Variants in C9 observed in about 807,000 individuals in gnomAD.
C9 encodes the protein complement C9, also known as complement component C9.
C9 carries 63 observed loss-of-function variants against 65.4 expected under a neutral mutation model. The observed-to-expected ratio is 0.96, with a 90% confidence interval of 0.79 to 1.19. The LOEUF is 1.19. Among genes scored for constraint, C9 ranks in the 50% most tolerant of loss-of-function variants. The pLI is 0.00. For synonymous variants in C9, 229 were observed against 227.9 expected (o/e 1.00, Z -0.04); for missense variants, 744 against 670.1 (o/e 1.11, Z -1.22).
intron 5 of C9, among the ~76,000 whole-genome samples, chr5:39,326,588 A>G (rs1453190366): frequency 6.6e-6 from 1 of 152,196 alleles, no homozygotes; most frequent in Non-Finnish European, 1.5e-5. Context: ...TGTATTTATT[A>G]TGGCACATGA....
At chr5:39,335,192 T>C (rs1391176168) in intron 4 of C9, among the ~76,000 whole-genome samples, 1 of 152,194 alleles carries the variant, frequency 6.6e-6, no homozygotes, top group Non-Finnish European at 1.5e-5. Flanking sequence ...TACCTCTTTA[T>C]TTTCAGTGAA....
At chr5:39,341,962 A>G (rs369216156) in intron 2 of C9, 129 bp downstream of exon 2, 16 of 728,838 alleles carry the variant, frequency 2.2e-5, no homozygotes, top group East Asian at 2.1e-4. Flanking sequence ...ATACATTTAA[A>G]TGTTTATCTC....
At chr5:39,310,978 C>T (rs1753471718) in intron 7 of C9, among the ~76,000 whole-genome samples, 159 bp downstream of exon 7, 1 of 152,154 alleles carries the variant, frequency 6.6e-6, no homozygotes, top group African/African-American at 2.4e-5. Context: ...TGCTATTTAA[C>T]AGGGTTTTAG....
chr5:39,302,701 A>G (rs1214905923), intron 9 of C9, among the ~76,000 whole-genome samples: 1 of 152,154 alleles, frequency 6.6e-6, no homozygotes, highest in African/African-American at 2.4e-5. Context: ...AGAACTGAGA[A>G]CAGAAAAAGC....
intron 5 of C9, 125 bp downstream of exon 5, chr5:39,331,547 CTTCT>C: frequency 1.2e-6 from 1 of 829,474 alleles, no homozygotes; most frequent in Non-Finnish European, 2.1e-6. Flanking sequence ...TACATCGCCT[CTTCT>C]TTAAGTCTTG....
chr5:39,308,666 A>T (rs1203663837), intron 7 of C9, among the ~76,000 whole-genome samples: 1 of 152,178 alleles, frequency 6.6e-6, no homozygotes, highest in Non-Finnish European at 1.5e-5. Context: ...AAGGGACAAC[A>T]ATGTCTAACA....
At chr5:39,291,526 A>G (rs1182701139) in intron 9 of C9, among the ~76,000 whole-genome samples, 1 of 151,814 alleles carries the variant, frequency 6.6e-6, no homozygotes, top group Non-Finnish European at 1.5e-5. Flanking sequence ...AAAACTAATG[A>G]CTGAGAATAT....
chr5:39,323,428 A>G (rs1300549155), intron 5 of C9, among the ~76,000 whole-genome samples: 1 of 151,438 alleles, frequency 6.6e-6, no homozygotes, highest in African/African-American at 2.4e-5. Flanking sequence ...AATAAAATAT[A>G]AACAAACTAA....
intron 5 of C9, among the ~76,000 whole-genome samples, chr5:39,316,924 C>G (rs1212076333): frequency 6.6e-6 from 1 of 152,226 alleles, no homozygotes; most frequent in Non-Finnish European, 1.5e-5. Flanking sequence ...AATTGGCACA[C>G]TGTCTTCCAC....
chr5:39,349,100 A>G (rs1355409945), intron 1 of C9, among the ~76,000 whole-genome samples: 1 of 152,100 alleles, frequency 6.6e-6, no homozygotes, highest in East Asian at 1.9e-4. Context: ...GCAACACACC[A>G]ACATGACACA....
chr5:39,341,370 T>C, intron 3 of C9, 77 bp from the exon 4 acceptor site: 1 of 1,555,690 alleles, frequency 6.4e-7, no homozygotes, highest in Non-Finnish European at 8.9e-7. Context: ...TCAAATGCAT[T>C]TTAACCCTGG....
chr5:39,321,076 A>T (rs1400365722), intron 5 of C9, among the ~76,000 whole-genome samples: 1 of 152,092 alleles, frequency 6.6e-6, no homozygotes, highest in South Asian at 2.1e-4. Context: ...TAACATAAAA[A>T]ATTTATGAAA....
At chr5:39,331,882 C>T (rs2111930009) in intron 4 of C9, 68 bp from the exon 5 acceptor site, 2 of 1,395,814 alleles carry the variant, frequency 1.4e-6, no homozygotes, top group Middle Eastern at 1.8e-4. Flanking sequence ...CCCTCTGTAG[C>T]TGGAAAAAGT....
intron 4 of C9, 109 bp downstream of exon 4, chr5:39,341,037 G>A (rs1403390498): frequency 4.2e-6 from 5 of 1,185,920 alleles, no homozygotes; most frequent in Non-Finnish European, 6.3e-6. Flanking sequence ...CCCATCAGCT[G>A]TATCACCTAT....
At chr5:39,311,439 T>C in intron 6 of C9, 62 bp from the exon 7 acceptor site, 5 of 1,549,760 alleles carry the variant, frequency 3.2e-6, no homozygotes, top group Non-Finnish European at 3.5e-6. Flanking sequence ...CAAATGAAAA[T>C]TTATGAAATT....
intron 7 of C9, among the ~76,000 whole-genome samples, chr5:39,310,486 A>G (rs67187255): frequency 0.033 from 5,027 of 152,232 alleles, 106 homozygotes; most frequent in Middle Eastern, 0.048. Context: ...GCTGATAACT[A>G]TGTATCAGTA....
intron 1 of C9, among the ~76,000 whole-genome samples, chr5:39,347,591 C>T (rs1327010771): frequency 6.6e-6 from 1 of 152,146 alleles, no homozygotes; most frequent in Non-Finnish European, 1.5e-5. Flanking sequence ...AATGGCCGTA[C>T]TGCCCAAGGT....
intron 5 of C9, among the ~76,000 whole-genome samples, chr5:39,328,175 A>T (rs151297205): frequency 3.9e-4 from 59 of 152,314 alleles, no homozygotes; most frequent in African/African-American, 1.4e-3. Flanking sequence ...AGAGAATAGG[A>T]TGTAAAGAGG....
chr5:39,316,069 G>C, intron 5 of C9, 40 bp from the exon 6 acceptor site: 1 of 1,531,930 alleles, frequency 6.5e-7, no homozygotes, highest in Non-Finnish European at 9.0e-7. Context: ...AACAAGATAC[G>C]AAACAAAAGG....
Sources: allele counts gnomAD v4.1 joint callset (sites outside exome capture counted in the v4.1 genomes callset), GRCh38; gene constraint gnomAD v4.1.1; transcripts MANE v1.5; gene names NCBI Gene and HGNC (gene_info 2026-07-23, HGNC 2026-07-21).